The following CFAP251 variants were observed in gnomAD, a reference collection of about 807,000 sequenced individuals.
CFAP251 encodes the protein cilia- and flagella-associated protein 251.
Under a neutral mutation model 126.7 loss-of-function variants are expected in CFAP251, and 93 were observed. That is an observed-to-expected ratio of 0.73 (90% CI 0.62 to 0.87). The LOEUF is 0.87. CFAP251 is among the 40% of genes least tolerant of loss of function. The probability of loss-of-function intolerance (pLI) is 0.00; values close to 1 mark genes in which losing one functional copy is unlikely to be tolerated. For synonymous variants in CFAP251, 503 were observed against 506.9 expected, an observed-to-expected ratio of 0.99 and a Z score of 0.10; for missense variants, 1,287 against 1,389.2, an observed-to-expected ratio of 0.93 and a Z score of 1.17.
chr12:121,949,002 C>A lies in CFAP251; in HGVS notation c.1210C>A (p.Pro404Thr). The change falls in exon 8 of 22, where the codon CCA becomes ACA. Residue 404 changes from proline to threonine, a missense_variant. By Grantham distance (38) the Pro-to-Thr change is conservative. Transcript: ENST00000288912. ...YGVQNYVTFNPTNNKELVSNS... is the reference protein window; with the variant it reads ...YGVQNYVTFNTTNNKELVSNS... Reference sequence around the variant, plus strand: ...ATTTCAGAACTACGTTACTTTTAACCCAACAAATAATAAAGAATTGGTGAG... The same window carrying A: ...ATTTCAGAACTACGTTACTTTTAACACAACAAATAATAAAGAATTGGTGAG... 1 of 1,577,510 alleles carries A rather than the reference C, an allele frequency of 6.3e-7. No homozygotes were observed. The highest frequency in any genetic ancestry group is 8.6e-7 in the Non-Finnish European group (1 of 1,160,704).
rs946309653 is a variant in CFAP251 at position 122,003,708 on chromosome 12, G to A, written c.3394G>A (p.Ala1132Thr). Residue 1132 changes from alanine to threonine, a missense_variant, in exon 22 of 22, where the codon GCG (alanine) becomes ACG (threonine). Physicochemically the swap from Ala to Thr is moderately conservative, Grantham distance 58. Transcript: ENST00000288912. ...LPDEITAEIF[A>T]TEILGLTISE... is the part of the protein sequence containing the mutation. Reference sequence around the variant, plus strand: ...AGACGAAATCACTGCAGAAATATTCGCGACTGAAATTCTTGGCTTAACCAT... The same window carrying A: ...AGACGAAATCACTGCAGAAATATTCACGACTGAAATTCTTGGCTTAACCAT... The A allele has an allele frequency of 1.6e-5, 26 of 1,609,668 alleles. No individual in the cohort carries two copies. Among genetic ancestry groups the A allele is most frequent in the East Asian group, 2.2e-5 (1 of 44,702 alleles).
At chr12:121,942,778 A>G in intron 6 of CFAP251, 117 bp from the exon 7 acceptor site, 1 of 1,284,970 alleles carries the variant, frequency 7.8e-7, no homozygotes, top group Non-Finnish European at 1.1e-6. Flanking sequence ...TCCACAGCAC[A>G]GAGTCTGGGC....
At chr12:121,961,912 G>C in intron 14 of CFAP251, 66 bp from the exon 15 acceptor site, 3 of 1,508,112 alleles carry the variant, frequency 2.0e-6, no homozygotes, top group Non-Finnish European at 2.7e-6. Context: ...CAAGAGCTTG[G>C]GGTTCCTTAG....
intron 19 of CFAP251, among the ~76,000 whole-genome samples, chr12:121,990,330 G>T (rs1293227807): frequency 6.6e-6 from 1 of 152,164 alleles, no homozygotes; most frequent in Non-Finnish European, 1.5e-5. Context: ...TCAGGCCTAT[G>T]GGTGGGCAAC....
chr12:121,939,329 A>G (rs1240722786), intron 5 of CFAP251, among the ~76,000 whole-genome samples: 3 of 152,104 alleles, frequency 2.0e-5, no homozygotes, highest in Non-Finnish European at 4.4e-5. Flanking sequence ...GCCTGCACCC[A>G]TAGCCGTCTG....
intron 19 of CFAP251, among the ~76,000 whole-genome samples, chr12:121,983,721 C>T (rs1372267059): frequency 6.6e-6 from 1 of 151,154 alleles, no homozygotes; most frequent in Non-Finnish European, 1.5e-5. Context: ...CCTTGGATTA[C>T]AGGGCTTTTT....
At chr12:121,996,776 C>T (rs1404077351) in intron 19 of CFAP251, 1 of 152,060 alleles carries the variant, frequency 6.6e-6, no homozygotes, top group East Asian at 1.9e-4. Flanking sequence ...CTGCTGGTGG[C>T]CAAAAGGAAA....
intron 1 of CFAP251, among the ~76,000 whole-genome samples, chr12:121,920,367 A>G (rs1880114795): frequency 6.8e-6 from 1 of 147,806 alleles, no homozygotes; most frequent in Non-Finnish European, 1.5e-5. Context: ...AGCTCAGATT[A>G]CAGGCACCAC....
intron 5 of CFAP251, among the ~76,000 whole-genome samples, chr12:121,941,531 G>T (rs1430404837): frequency 6.6e-6 from 1 of 151,200 alleles, no homozygotes; most frequent in East Asian, 1.9e-4. Context: ...ATAGGGTTTT[G>T]CCATGTTGTC....
chr12:122,002,405 C>T (rs538247847), intron 21 of CFAP251, among the ~76,000 whole-genome samples: 15 of 152,112 alleles, frequency 9.9e-5, no homozygotes, highest in South Asian at 2.1e-4. Flanking sequence ...CTGGGCATAG[C>T]GGTGTATGCT....
chr12:121,983,258 G>A (rs974647520), intron 19 of CFAP251, among the ~76,000 whole-genome samples: 2 of 151,656 alleles, frequency 1.3e-5, no homozygotes, highest in African/African-American at 4.8e-5. Flanking sequence ...GTTGGGGATA[G>A]TGGTGTGCAA....
intron 7 of CFAP251, among the ~76,000 whole-genome samples, chr12:121,943,653 G>A (rs1468605594): frequency 2.6e-5 from 4 of 151,996 alleles, no homozygotes; most frequent in African/African-American, 9.7e-5. Context: ...TTGAACTCCC[G>A]ACCTCAGGTG....
Position 121,977,693 on chromosome 12 carries a change from G to C in CFAP251, c.3006+2008G>C, listed in dbSNP as rs181641261. Among the ~76,000 whole-genome samples, 232 of 145,704 alleles carry C rather than the reference G, an allele frequency of 1.6e-3. 7 individuals are homozygous for C. Among genetic ancestry groups the C allele is most frequent in the African/African-American group, 4.7e-3 (184 of 38,878 alleles). ...AAAACTGGCCGGGTGTGGTGGCTCA[G>C]ACCTGTAATCCCAGCACTTTGGGAG... On this transcript the variant is annotated intron_variant, in intron 19 of 21. Coordinates refer to ENST00000288912, the MANE Select transcript of CFAP251 (RefSeq NM_144668.6).
chr12:121,954,205 A>G lies in CFAP251; in HGVS notation c.1406A>G (p.Lys469Arg). 2 of 1,614,190 alleles carry G rather than the reference A, an allele frequency of 1.2e-6. No homozygotes were observed. The highest frequency in any genetic ancestry group is 2.2e-5 in the South Asian group (2 of 91,084). The change falls in exon 10 of 22, where the codon AAG (lysine) becomes AGG (arginine). Residue 469 changes from lysine (K) to arginine (R), a missense_variant. Coordinates refer to ENST00000288912, the MANE Select transcript of CFAP251 (RefSeq NM_144668.6). ...TQILSATMEG[K>R]LVVWDIHRPP... is the part of the protein sequence containing the mutation. ...ATACTCTCAGCCACAATGGAAGGGA[A>G]GCTGGTTGTCTGGGACATACACCGC...
intron 19 of CFAP251, among the ~76,000 whole-genome samples, chr12:121,986,364 C>T (rs1410072847): frequency 6.7e-6 from 1 of 150,326 alleles, no homozygotes; most frequent in Admixed American, 6.6e-5. Flanking sequence ...GTGGCACGAT[C>T]TCAGCTCACT....
chr12:121,963,825 T>C (rs1204231639), intron 15 of CFAP251, among the ~76,000 whole-genome samples: 1 of 151,536 alleles, frequency 6.6e-6, no homozygotes, highest in African/African-American at 2.4e-5. Context: ...ACCCTAGCCC[T>C]GACCCCATCC....
intron 5 of CFAP251, 73 bp downstream of exon 5, chr12:121,934,429 A>AT: frequency 8.7e-7 from 1 of 1,150,476 alleles, no homozygotes; most frequent in Non-Finnish European, 1.3e-6. Context: ...ACAGTGACAG[A>AT]ATGAGCAATG....
chr12:121,992,090 A>C lies in CFAP251; in HGVS notation c.3007-7626A>C, dbSNP rs562885692. ...ATAAAGCCCCGCCTTAGCAGGCGTGAGAATGCCAATCAAAGGCCAGGCTGA... is the reference window on the plus strand; with the variant it reads ...ATAAAGCCCCGCCTTAGCAGGCGTGCGAATGCCAATCAAAGGCCAGGCTGA... On this transcript the variant is annotated intron_variant, in intron 19 of 21. Transcript: ENST00000288912. The C allele has an allele frequency of 1.1e-5, 5 of 451,822 alleles. No homozygotes were observed. In the East Asian group the frequency reaches 4.7e-4, roughly 42 times the overall value. 28.0% of individuals were successfully genotyped at this position (451,822 alleles called of 1,614,324 possible). A position where few individuals can be genotyped will look rare whatever the true frequency, so the allele number is the denominator to read the frequency against.
chr12:121,991,770 G>A (rs901241963), intron 19 of CFAP251, among the ~76,000 whole-genome samples: 7 of 152,174 alleles, frequency 4.6e-5, no homozygotes, highest in Non-Finnish European at 1.5e-5. Context: ...GAGGCAGGCA[G>A]ATCACTTGAA....
Sources: allele counts gnomAD v4.1 joint callset (sites outside exome capture counted in the v4.1 genomes callset), GRCh38; gene constraint gnomAD v4.1.1; transcripts MANE v1.5; gene names NCBI Gene and HGNC (gene_info 2026-07-23, HGNC 2026-07-21).